Variants in PCDH15 observed in about 807,000 individuals in gnomAD.
PCDH15 encodes the protein protocadherin-15.
In PCDH15, 129 loss-of-function variants were observed where a neutral mutation model predicts 178.5. The observed-to-expected ratio is 0.72, with a 90% CI of 0.63 to 0.84. The LOEUF (loss-of-function observed/expected upper bound fraction) is 0.84. PCDH15 is among the 40% of genes least tolerant of loss of function. The pLI, the probability that PCDH15 is intolerant of heterozygous loss-of-function variation, is 0.00. For missense variants in PCDH15, 2,230 were observed against 2,099.9 expected (o/e 1.06, Z -1.21); for synonymous variants, 800 against 732.0 (o/e 1.09, Z -1.50).
chr10:54,452,538 A>G lies in PCDH15; in HGVS notation c.158-73596T>C, dbSNP rs1242456546. The stretch of plus-strand genomic sequence containing the variant: ...TGCCAGCTATTTTTGAAGAACTGAT[A>G]TGTACTCCTAAGAACACAAGATAAA... On this transcript the variant is annotated intron_variant, in intron 3 of 37. Transcript: ENST00000644397. 2.0e-5 allele frequency: 3 copies of G among 152,212 alleles called. No homozygotes were observed. In the East Asian group the frequency reaches 5.8e-4, roughly 29 times the overall value. 9.4% of individuals were successfully genotyped at this position (152,212 alleles called of 1,614,324 possible).
intron 3 of PCDH15, among the ~76,000 whole-genome samples, chr10:54,393,422 T>C (rs1950798568): frequency 6.6e-6 from 1 of 152,126 alleles, no homozygotes; most frequent in African/African-American, 2.4e-5. Flanking sequence ...TGCAGAGGGA[T>C]AGACTCAGAA....
intron 2 of PCDH15, among the ~76,000 whole-genome samples, chr10:55,583,551 A>G (rs1000856712): frequency 2.6e-5 from 4 of 152,260 alleles, no homozygotes; most frequent in African/African-American, 9.6e-5. Flanking sequence ...TTCCTGCCTC[A>G]GCCCCCCTAG....
chr10:54,139,004 G>A (rs1275113121), intron 14 of PCDH15, among the ~76,000 whole-genome samples: 1 of 151,964 alleles, frequency 6.6e-6, no homozygotes, highest in African/African-American at 2.4e-5. Flanking sequence ...ACCACAATAA[G>A]CAAGCTGGCT....
intron 2 of PCDH15, among the ~76,000 whole-genome samples, chr10:54,977,952 C>T (rs565025070): frequency 2.0e-4 from 31 of 152,242 alleles, no homozygotes; most frequent in African/African-American, 6.7e-4. Context: ...ATATTGAAAA[C>T]TATCTAAATT....
At position 54,239,432 on chromosome 10, in the gene PCDH15, T is replaced by TATATATAGAGAGAGAG. The variant is rs1554853331; in HGVS notation, c.877-2502_877-2501insCTCTCTCTCTATATAT. The stretch of plus-strand genomic sequence containing the variant: ...GTGATTAAATATATATATATATATA[T>TATATATAGAGAGAGAG]AGAGTAAGAACTGAAGAACTAAAAA... On this transcript the variant is annotated intron_variant, in intron 8 of 37. Coordinates refer to ENST00000644397, the MANE Select transcript of PCDH15 (RefSeq NM_001384140.1). Among the ~76,000 whole-genome samples, 162 of 150,632 alleles carry TATATATAGAGAGAGAG rather than the reference T, an allele frequency of 1.1e-3. 1 individual carries two copies. Among genetic ancestry groups the TATATATAGAGAGAGAG allele is most frequent in the African/African-American group, 3.8e-3 (154 of 41,046 alleles).
chr10:53,893,440 T>C (rs1297577638), intron 26 of PCDH15, among the ~76,000 whole-genome samples: 1 of 152,160 alleles, frequency 6.6e-6, no homozygotes, highest in East Asian at 1.9e-4. Context: ...TGAGTATATG[T>C]AAAAATAAAT....
chr10:54,168,013 C>A (rs1482038046), intron 13 of PCDH15, among the ~76,000 whole-genome samples: 1 of 150,890 alleles, frequency 6.6e-6, no homozygotes, highest in African/African-American at 2.5e-5. Flanking sequence ...TGACTATAGG[C>A]AACCTTCCAC....
intron 15 of PCDH15, among the ~76,000 whole-genome samples, chr10:54,128,833 A>C (rs1350420131): frequency 6.6e-6 from 1 of 152,174 alleles, no homozygotes; most frequent in South Asian, 2.1e-4. Context: ...GTGTTTCTTC[A>C]TAAGAGCCTT....
At chr10:54,957,825 T>C (rs1234873962) in intron 2 of PCDH15, among the ~76,000 whole-genome samples, 1 of 151,766 alleles carries the variant, frequency 6.6e-6, no homozygotes, top group Admixed American at 6.6e-5. Flanking sequence ...TATGCCACTT[T>C]AGCATAAGAA....
intron 5 of PCDH15, among the ~76,000 whole-genome samples, chr10:54,358,867 T>C (rs968212081): frequency 2.6e-5 from 4 of 151,858 alleles, no homozygotes; most frequent in African/African-American, 4.8e-5. Flanking sequence ...TGTAGGGACA[T>C]GGATGAAACT....
intron 2 of PCDH15, among the ~76,000 whole-genome samples, chr10:54,912,983 C>A (rs1374890388): frequency 6.6e-6 from 1 of 152,142 alleles, no homozygotes; most frequent in Non-Finnish European, 1.5e-5. Context: ...TGAAAGCCTA[C>A]ACTCATCTGC....
Position 55,428,218 on chromosome 10 carries a change from A to T in PCDH15, c.-156+199407T>A, listed in dbSNP as rs535228711. 2.6e-5 allele frequency among the ~76,000 whole-genome samples: 4 copies of T among 152,100 alleles called. 1 individual carries two copies. In the South Asian group the frequency reaches 8.3e-4, roughly 32 times the overall value. On this transcript the variant is annotated intron_variant, in intron 2 of 5. Coordinates refer to the PCDH15 transcript ENST00000613346. ...TGTTGTTAAAGCATTCTTTATCCTT[A>T]ATAATTTGTCATCTACCTATCCCAT...
intron 8 of PCDH15, among the ~76,000 whole-genome samples, chr10:54,281,156 G>C (rs2058683120): frequency 6.6e-6 from 1 of 151,784 alleles, no homozygotes; most frequent in African/African-American, 2.4e-5. Context: ...TAATTAGCTA[G>C]AAAAATTCTC....
intron 1 of PCDH15, among the ~76,000 whole-genome samples, chr10:55,192,107 A>G (rs532428005): frequency 6.6e-6 from 1 of 151,896 alleles, no homozygotes; most frequent in Admixed American, 6.6e-5. Flanking sequence ...ATATCTGAGA[A>G]AGCAATGACA....
intron 16 of PCDH15, among the ~76,000 whole-genome samples, chr10:54,080,473 TATA>T (rs1382613523): frequency 6.6e-6 from 1 of 152,166 alleles, no homozygotes; most frequent in African/African-American, 2.4e-5. Flanking sequence ...TTTATCTGAA[TATA>T]ATAACACATT....
At chr10:54,572,835 T>A (rs1477431484) in intron 2 of PCDH15, among the ~76,000 whole-genome samples, 1 of 152,092 alleles carries the variant, frequency 6.6e-6, no homozygotes, top group African/African-American at 2.4e-5. Context: ...AGAAAAAGGA[T>A]AATTCACTTC....
At chr10:53,822,653 A>C (rs2076369643) in intron 32 of PCDH15, 12 of 1,613,992 alleles carry the variant, frequency 7.4e-6, no homozygotes, top group Non-Finnish European at 1.0e-5. Flanking sequence ...CAGCAGGAGA[A>C]CTGATGACAT....
chr10:54,204,280 A>C (rs2050551266), intron 10 of PCDH15, among the ~76,000 whole-genome samples: 1 of 152,120 alleles, frequency 6.6e-6, no homozygotes, highest in South Asian at 2.1e-4. Flanking sequence ...ACAGTACAGA[A>C]AAATAGAAGG....
intron 1 of PCDH15, among the ~76,000 whole-genome samples, chr10:55,293,773 T>C (rs921992402): frequency 1.3e-5 from 2 of 152,174 alleles, no homozygotes; most frequent in African/African-American, 2.4e-5. Context: ...TCATTGTCCA[T>C]ATCATTTTCA....
Sources: allele counts gnomAD v4.1 joint callset (sites outside exome capture counted in the v4.1 genomes callset), GRCh38; gene constraint gnomAD v4.1.1; transcripts MANE v1.5; gene names NCBI Gene and HGNC (gene_info 2026-07-23, HGNC 2026-07-21).